WDR70: variants seen among roughly 807,000 people sequenced by gnomAD.
WDR70 encodes WD repeat-containing protein 70.
In WDR70, 53 loss-of-function variants were observed where a neutral mutation model predicts 88.6. The ratio of observed to expected loss-of-function variants is 0.60; its 90% CI spans 0.48 to 0.75. The LOEUF (loss-of-function observed/expected upper bound fraction) is 0.75. Ranked by LOEUF, WDR70 falls within the 30% of genes least tolerant of loss-of-function variation. WDR70 has a pLI of 0.00. For missense variants in WDR70, 610 were observed against 823.2 expected (o/e 0.74, Z 3.17); for synonymous variants, 280 against 270.0 (o/e 1.04, Z -0.36).
intron 9 of WDR70, among the ~76,000 whole-genome samples, chr5:37,534,573 C>G (rs1276531239): frequency 6.7e-6 from 1 of 149,998 alleles, no homozygotes; most frequent in Admixed American, 6.7e-5. Context: ...TTTGGGCTCA[C>G]TGCAACCTCC....
intron 5 of WDR70, among the ~76,000 whole-genome samples, chr5:37,432,713 G>A (rs1408162951): frequency 1.3e-5 from 2 of 151,538 alleles, no homozygotes; most frequent in African/African-American, 2.4e-5. Flanking sequence ...CACCGCGCCC[G>A]GCCTTTCTGG....
intron 17 of WDR70, among the ~76,000 whole-genome samples, chr5:37,739,774 C>T (rs1039776348): frequency 6.6e-6 from 1 of 152,092 alleles, no homozygotes; most frequent in Admixed American, 6.6e-5. Flanking sequence ...AGGTATTTCT[C>T]CTAATGCTAT....
chr5:37,596,549 A>G (rs768537615), intron 9 of WDR70, among the ~76,000 whole-genome samples: 42 of 152,154 alleles, frequency 2.8e-4, no homozygotes, highest in Non-Finnish European at 5.7e-4. Context: ...TTCCTCTGCC[A>G]GTAATGTGGA....
intron 8 of WDR70, among the ~76,000 whole-genome samples, chr5:37,492,718 G>A (rs140330776): frequency 3.3e-5 from 5 of 152,274 alleles, no homozygotes; most frequent in African/African-American, 9.6e-5. Flanking sequence ...AATGTTGAAG[G>A]TGCTGCCTGG....
At chr5:37,603,128 A>G (rs1743935631) in intron 9 of WDR70, among the ~76,000 whole-genome samples, 1 of 151,876 alleles carries the variant, frequency 6.6e-6, no homozygotes, top group African/African-American at 2.4e-5. Context: ...GTCATTTTCC[A>G]TAGAAATAGA....
At chr5:37,544,768 T>C (rs948665663) in intron 9 of WDR70, among the ~76,000 whole-genome samples, 1 of 152,216 alleles carries the variant, frequency 6.6e-6, no homozygotes, top group Non-Finnish European at 1.5e-5. Flanking sequence ...TGGATTCATT[T>C]GGATGTGAGG....
intron 9 of WDR70, among the ~76,000 whole-genome samples, chr5:37,593,371 T>C (rs1379816160): frequency 6.6e-6 from 1 of 151,572 alleles, no homozygotes; most frequent in Non-Finnish European, 1.5e-5. Context: ...CATTGTTCAA[T>C]TCCCACCTAT....
intron 7 of WDR70, among the ~76,000 whole-genome samples, chr5:37,463,257 G>A (rs187910275): frequency 8.1e-4 from 103 of 127,302 alleles, no homozygotes; most frequent in Non-Finnish European, 1.3e-3. Flanking sequence ...GGGTGACAGA[G>A]TGAGATTCTG....
At chr5:37,648,733 G>C (rs72740983) in intron 10 of WDR70, among the ~76,000 whole-genome samples, 4,691 of 152,112 alleles carry the variant, frequency 0.031, 115 homozygotes, top group Middle Eastern at 0.12. Flanking sequence ...TTGAATTATG[G>C]CTAAAATAAG....
At chr5:37,502,057 A>G (rs1334252317) in intron 8 of WDR70, among the ~76,000 whole-genome samples, 1 of 152,168 alleles carries the variant, frequency 6.6e-6, no homozygotes, top group Non-Finnish European at 1.5e-5. Flanking sequence ...GGTTCTTGCA[A>G]TTGATGAGCA....
intron 7 of WDR70, among the ~76,000 whole-genome samples, chr5:37,456,533 A>G (rs1351815686): frequency 1.3e-5 from 2 of 152,174 alleles, no homozygotes; most frequent in South Asian, 2.1e-4. Context: ...TAGAAAAAGT[A>G]GTTTCCAAAA....
chr5:37,446,374 T>G (rs1370900394), intron 7 of WDR70, among the ~76,000 whole-genome samples: 1 of 152,146 alleles, frequency 6.6e-6, no homozygotes, highest in Admixed American at 6.6e-5. Context: ...CCAAGGTAAT[T>G]TATAGATTCA....
rs192805136 is a variant in WDR70, at chr5:37,454,322, A to T, written c.686+10950A>T. On this transcript the variant is annotated intron_variant, in intron 7 of 17. Transcript: ENST00000265107. Reference sequence around the variant, plus strand: ...AAGGCTGATATGTTTAGTTTTTTTTAAAAAAATAAAAATATGTATTCTGAA... The same window carrying T: ...AAGGCTGATATGTTTAGTTTTTTTTTAAAAAATAAAAATATGTATTCTGAA... 7.5e-3 allele frequency among the ~76,000 whole-genome samples: 1,137 copies of T among 152,186 alleles called. 16 individuals carry two copies. The highest frequency in any genetic ancestry group is 0.025 in the African/African-American group (1,023 of 41,530).
At chr5:37,623,646 A>G (rs550006900) in intron 10 of WDR70, among the ~76,000 whole-genome samples, 7 of 152,162 alleles carry the variant, frequency 4.6e-5, no homozygotes, top group Non-Finnish European at 8.8e-5. Context: ...AATATGGCTT[A>G]TCTTCTTATG....
intron 10 of WDR70, among the ~76,000 whole-genome samples, chr5:37,645,607 C>T (rs1745210964): frequency 6.6e-6 from 1 of 151,990 alleles, no homozygotes. Flanking sequence ...TTGGGTTTCT[C>T]TCTCTTTAGC....
intron 2 of WDR70, among the ~76,000 whole-genome samples, chr5:37,379,806 C>G (rs1748367807): frequency 6.6e-6 from 1 of 152,088 alleles, no homozygotes; most frequent in African/African-American, 2.4e-5. Flanking sequence ...ACCAATAATG[C>G]TAAAATGAAC....
intron 7 of WDR70, among the ~76,000 whole-genome samples, chr5:37,476,071 A>T (rs1439702110): frequency 5.3e-5 from 8 of 151,642 alleles, no homozygotes; most frequent in Non-Finnish European, 7.4e-5. Context: ...GGCTGGTCTC[A>T]AATTCCCAAT....
intron 10 of WDR70, among the ~76,000 whole-genome samples, chr5:37,697,105 A>G (rs913635555): frequency 1.3e-5 from 2 of 152,192 alleles, no homozygotes; most frequent in Non-Finnish European, 2.9e-5. Flanking sequence ...TAAATAGGCA[A>G]GATAGGAAAG....
At chr5:37,593,931 G>T (rs1383204855) in intron 9 of WDR70, among the ~76,000 whole-genome samples, 1 of 152,140 alleles carries the variant, frequency 6.6e-6, no homozygotes, top group Non-Finnish European at 1.5e-5. Context: ...TGTGTCTGAT[G>T]GCTGCATAAA....
Sources: gnomAD v4.1 joint callset for allele counts (sites outside exome capture counted in the v4.1 genomes callset) on GRCh38, gnomAD v4.1.1 for gene constraint, MANE v1.5 for transcripts, NCBI Gene and HGNC (gene_info 2026-07-23, HGNC 2026-07-21) for gene names.